Variants in SRRM4 observed in about 807,000 individuals in gnomAD.
The protein encoded by SRRM4 is serine/arginine repetitive matrix protein 4.
Under a neutral mutation model 68.9 loss-of-function variants are expected in SRRM4, and 33 were observed. The ratio of observed to expected loss-of-function variants is 0.48; its 90% CI spans 0.36 to 0.64. The LOEUF (loss-of-function observed/expected upper bound fraction) is 0.64, where lower values mean the gene tolerates loss of function less well. Ranked by LOEUF, SRRM4 falls within the 30% of genes least tolerant of loss-of-function variation. The pLI is 0.00. For synonymous variants in SRRM4, 318 were observed against 318.8 expected, an observed-to-expected ratio of 1.00 and a Z score of 0.03; for missense variants, 817 against 827.1, an observed-to-expected ratio of 0.99 and a Z score of 0.15.
At chr12:119,156,453 G>T in intron 12 of SRRM4, 42 bp from the exon 13 acceptor site, 3 of 1,532,590 alleles carry the variant, frequency 2.0e-6, no homozygotes, top group South Asian at 1.3e-5. Flanking sequence ...GGGGAGGCAC[G>T]GAGGGGCCGG....
At position 119,079,812 on chromosome 12, in the gene SRRM4, A is replaced by C. The variant is rs1953937192; in HGVS notation, c.132-22424A>C. Among the ~76,000 whole-genome samples the C allele has an allele frequency of 3.3e-5, 5 of 152,160 alleles. No individual in the cohort carries two copies. In the South Asian group the frequency reaches 1.0e-3, roughly 32 times the overall value. ...GGGATCGCCTAGTCAATTACTAGTC[A>C]AGTGGGGTAATGTGCATTTCATTAG... is the stretch of plus-strand genomic sequence containing the variant. On this transcript the variant is annotated intron_variant, in intron 1 of 12. Transcript: ENST00000267260.
intron 9 of SRRM4, 38 bp downstream of exon 9, chr12:119,145,723 C>T (rs751385601): frequency 6.9e-7 from 1 of 1,450,102 alleles, no homozygotes; most frequent in Non-Finnish European, 9.1e-7. Context: ...AGACGGTCTC[C>T]CACCTTAGCT....
chr12:118,986,658 A>G (rs1953283907), intron 1 of SRRM4, among the ~76,000 whole-genome samples: 1 of 152,162 alleles, frequency 6.6e-6, no homozygotes, highest in African/African-American at 2.4e-5. Flanking sequence ...CCCTAGATAG[A>G]GACATCTGTC....
At chr12:119,142,162 G>A (rs7137377) in intron 8 of SRRM4, among the ~76,000 whole-genome samples, 10,867 of 152,200 alleles carry the variant, frequency 0.071, 478 homozygotes, top group East Asian at 0.22. Flanking sequence ...AGGCAGGACC[G>A]GGCTGTAAAA....
intron 6 of SRRM4, chr12:119,124,237 T>G (rs556805043): frequency 6.6e-6 from 1 of 152,262 alleles, no homozygotes; most frequent in East Asian, 1.9e-4. Context: ...CATCATGAAC[T>G]GGGAAATGTG....
intron 1 of SRRM4, among the ~76,000 whole-genome samples, chr12:119,064,081 T>C (rs1411095928): frequency 6.6e-6 from 1 of 152,198 alleles, no homozygotes; most frequent in African/African-American, 2.4e-5. Flanking sequence ...AAAATTTTAA[T>C]GGGAGCAGGG....
At chr12:119,143,097 A>C (rs1287978146) in intron 8 of SRRM4, among the ~76,000 whole-genome samples, 2 of 152,242 alleles carry the variant, frequency 1.3e-5, no homozygotes, top group East Asian at 3.8e-4. Context: ...AAGCTAGACT[A>C]TCACCTTGCC....
chr12:119,030,336 T>C (rs1003204168), intron 1 of SRRM4, among the ~76,000 whole-genome samples: 1 of 152,128 alleles, frequency 6.6e-6, no homozygotes, highest in Admixed American at 6.5e-5. Flanking sequence ...GTTGATGATA[T>C]CACAGGGCAC....
At chr12:119,097,318 G>C (rs1954052098) in intron 1 of SRRM4, among the ~76,000 whole-genome samples, 1 of 152,206 alleles carries the variant, frequency 6.6e-6, no homozygotes, top group Non-Finnish European at 1.5e-5. Flanking sequence ...AGTGACCTCA[G>C]ACTCTTTACT....
intron 1 of SRRM4, among the ~76,000 whole-genome samples, chr12:118,983,549 C>T (rs1158419136): frequency 1.3e-5 from 2 of 152,216 alleles, no homozygotes. Flanking sequence ...AACGTACCTA[C>T]TGTTGGCTAA....
At chr12:119,028,654 T>C (rs1953566053) in intron 1 of SRRM4, among the ~76,000 whole-genome samples, 1 of 152,178 alleles carries the variant, frequency 6.6e-6, no homozygotes, top group Non-Finnish European at 1.5e-5. Flanking sequence ...ATACCTACAA[T>C]GGACAAATTC....
intron 1 of SRRM4, among the ~76,000 whole-genome samples, chr12:119,088,661 C>G (rs1037769260): frequency 7.2e-6 from 1 of 139,504 alleles, no homozygotes; most frequent in Non-Finnish European, 1.5e-5. Context: ...GAATTGATTC[C>G]TTTTGGGGGG....
chr12:119,006,525 C>T (rs1243140201), intron 1 of SRRM4, among the ~76,000 whole-genome samples: 2 of 152,186 alleles, frequency 1.3e-5, no homozygotes, highest in Non-Finnish European at 2.9e-5. Flanking sequence ...CTCCCCATTC[C>T]ACCCCATTGC....
At chr12:119,144,673 C>A (rs903387412) in intron 8 of SRRM4, 1 of 151,912 alleles carries the variant, frequency 6.6e-6, no homozygotes, top group Non-Finnish European at 1.5e-5. Context: ...CCCTTTTTTT[C>A]GTTTATTTTT....
At chr12:118,997,775 C>A (rs1434714431) in intron 1 of SRRM4, among the ~76,000 whole-genome samples, 1 of 152,200 alleles carries the variant, frequency 6.6e-6, no homozygotes, top group African/African-American at 2.4e-5. Flanking sequence ...ATTGCACACG[C>A]AACATCTCCT....
At position 119,154,236 on chromosome 12, in the gene SRRM4, C is replaced by T; in HGVS notation, c.1392-7C>T. ...CAGCTCCCCAGTAACCCCCCGCGCC[C>T]CTTCAGGGAGCGGGATCCCAAATAC... On this transcript the variant is annotated splice_region_variant and splice_polypyrimidine_tract_variant and intron_variant, in intron 11 of 12. Transcript: ENST00000267260. This position sits in a 1 kb window ranked among gnomAD's most constrained non-coding sequence, Gnocchi z 4.7. 2 of 1,597,750 alleles carry T rather than the reference C, an allele frequency of 1.3e-6. No individual in the cohort carries two copies. Among genetic ancestry groups the T allele is most frequent in the Non-Finnish European group, 1.7e-6 (2 of 1,171,078 alleles).
At chr12:119,130,095 G>A (rs1318175482) in intron 7 of SRRM4, among the ~76,000 whole-genome samples, 9 of 151,874 alleles carry the variant, frequency 5.9e-5, no homozygotes, top group Non-Finnish European at 8.8e-5. Flanking sequence ...TTGGATGGAC[G>A]GATGAATAGA....
At chr12:119,100,143 G>A (rs1252413337) in intron 1 of SRRM4, among the ~76,000 whole-genome samples, 1 of 151,956 alleles carries the variant, frequency 6.6e-6, no homozygotes, top group Non-Finnish European at 1.5e-5. Context: ...ATACAAAGTA[G>A]CAGCCACTCC....
intron 7 of SRRM4, among the ~76,000 whole-genome samples, chr12:119,128,944 A>G (rs1954277046): frequency 6.6e-6 from 1 of 152,160 alleles, no homozygotes; most frequent in Admixed American, 6.5e-5. Context: ...GGAGCTTCCT[A>G]GCAGAAATGG....
Sources: allele counts gnomAD v4.1 joint callset (sites outside exome capture counted in the v4.1 genomes callset), GRCh38; gene constraint gnomAD v4.1.1; non-coding constraint Gnocchi (gnomAD v3.1); transcripts MANE v1.5; gene names NCBI Gene and HGNC (gene_info 2026-07-23, HGNC 2026-07-21).